The following IGSF21 variants were observed in gnomAD, a reference collection of about 807,000 sequenced individuals.
The protein encoded by IGSF21 is immunoglobin superfamily member 21.
A neutral mutation model predicts 46.8 loss-of-function variants in IGSF21; 28 were observed. The observed-to-expected ratio is 0.60, with a 90% CI of 0.44 to 0.82. The LOEUF (loss-of-function observed/expected upper bound fraction) is 0.82. IGSF21 is among the 40% of genes least tolerant of loss of function. The pLI is 0.00. For missense variants in IGSF21, 624 were observed against 665.5 expected (o/e 0.94, Z 0.69); for synonymous variants, 284 against 273.6 (o/e 1.04, Z -0.38).
chr1:18,200,017 T>TG (rs1230403550), intron 1 of IGSF21, among the ~76,000 whole-genome samples: 8 of 152,062 alleles, frequency 5.3e-5, no homozygotes, highest in African/African-American at 1.9e-4. Flanking sequence ...CCCAAGCCCC[T>TG]GCTCCTTCCC....
At chr1:18,262,619 G>A (rs2084956498) in intron 2 of IGSF21, among the ~76,000 whole-genome samples, 2 of 152,198 alleles carry the variant, frequency 1.3e-5, no homozygotes, top group South Asian at 2.1e-4. Flanking sequence ...TTCCAGAAGC[G>A]GGATGAGAGA....
At chr1:18,206,957 C>T (rs1005358681) in intron 1 of IGSF21, among the ~76,000 whole-genome samples, 10 of 152,208 alleles carry the variant, frequency 6.6e-5, no homozygotes, top group Admixed American at 6.5e-4. Flanking sequence ...GCTTAGAAGT[C>T]TGAGTAGGCT....
intron 3 of IGSF21, among the ~76,000 whole-genome samples, chr1:18,315,576 G>GATGGATGT: frequency 6.6e-6 from 1 of 152,112 alleles, no homozygotes; most frequent in South Asian, 2.1e-4. Context: ...TGGATGGATG[G>GATGGATGT]GTGGATGGGT....
chr1:18,244,957 C>T (rs1190687596), intron 2 of IGSF21, among the ~76,000 whole-genome samples: 1 of 152,124 alleles, frequency 6.6e-6, no homozygotes, highest in East Asian at 1.9e-4. Context: ...GTTACTTAAC[C>T]TCTCTGTGCT....
intron 3 of IGSF21, among the ~76,000 whole-genome samples, chr1:18,301,159 G>A (rs1022632243): frequency 6.6e-6 from 1 of 152,182 alleles, no homozygotes; most frequent in Non-Finnish European, 1.5e-5. Context: ...ATGGAAGAAC[G>A]AGAGGAATGG....
At chr1:18,112,539 G>A (rs2086153197) in intron 1 of IGSF21, 2 of 152,230 alleles carry the variant, frequency 1.3e-5, no homozygotes, top group Non-Finnish European at 2.9e-5. Flanking sequence ...GCTCAGAGAG[G>A]CTAGGTGACT....
chr1:18,272,204 T>A (rs890324246), intron 2 of IGSF21, among the ~76,000 whole-genome samples: 14 of 151,682 alleles, frequency 9.2e-5, no homozygotes, highest in African/African-American at 2.7e-4. Context: ...TGAGACTTAT[T>A]CACTAACACT....
intron 1 of IGSF21, among the ~76,000 whole-genome samples, chr1:18,160,168 C>G (rs975251417): frequency 6.6e-6 from 1 of 152,204 alleles, no homozygotes; most frequent in African/African-American, 2.4e-5. Context: ...AAAACAGTCA[C>G]TTCTCACCGA....
chr1:18,206,857 A>G lies in IGSF21; in HGVS notation c.71-21041A>G, dbSNP rs1326569628. ...AGGACTGCTGCTATCTCAGATAAAC[A>G]TGATGTATTGGTCTGCTATTGCTGT... On this transcript the variant is annotated intron_variant, in intron 1 of 9. Transcript: ENST00000251296. Among the ~76,000 whole-genome samples, 4 of 152,206 alleles carry G rather than the reference A, an allele frequency of 2.6e-5. No homozygotes were observed. The South Asian group carries it at 8.3e-4, about 31-fold the overall frequency.
intron 1 of IGSF21, among the ~76,000 whole-genome samples, chr1:18,168,212 A>G (rs890923007): frequency 4.6e-5 from 7 of 152,076 alleles, no homozygotes; most frequent in East Asian, 1.9e-4. Context: ...ACCAAGGAAG[A>G]GCATCTGGCC....
intron 1 of IGSF21, among the ~76,000 whole-genome samples, chr1:18,191,781 C>A (rs2086959056): frequency 1.3e-5 from 2 of 152,164 alleles, no homozygotes; most frequent in Admixed American, 1.3e-4. Flanking sequence ...CCGGTCCCTG[C>A]CCCCTGCGTT....
At chr1:18,373,946 C>A (rs142873975) in intron 6 of IGSF21, among the ~76,000 whole-genome samples, 1 of 152,308 alleles carries the variant, frequency 6.6e-6, no homozygotes, top group African/African-American at 2.4e-5. Flanking sequence ...AACCAGCAGG[C>A]CCAGGCCCGG....
intron 1 of IGSF21, among the ~76,000 whole-genome samples, chr1:18,160,703 A>G (rs983393501): frequency 6.6e-6 from 1 of 152,176 alleles, no homozygotes; most frequent in African/African-American, 2.4e-5. Context: ...GATGGGGGGA[A>G]CTAAACCAGC....
intron 2 of IGSF21, among the ~76,000 whole-genome samples, chr1:18,257,053 GA>G (rs2084899801): frequency 6.6e-6 from 1 of 152,164 alleles, no homozygotes; most frequent in South Asian, 2.1e-4. Flanking sequence ...CTTGAAAGCT[GA>G]TTTTCTATTT....
chr1:18,196,976 G>A (rs895923961), intron 1 of IGSF21, among the ~76,000 whole-genome samples: 53 of 152,162 alleles, frequency 3.5e-4, no homozygotes, highest in Non-Finnish European at 1.3e-4. Context: ...CCGGCTTCCC[G>A]GTACCAAGTA....
At position 18,108,046 on chromosome 1, in the gene IGSF21, C is replaced by A; in HGVS notation, c.-83C>A. ...CTCGGCCAGTGGCCGGAGGCAGGAG[C>A]GCGTCTGAGCCCATGGCGAGGGGAC... On this transcript the variant is annotated 5_prime_UTR_variant, in exon 1 of 10. Coordinates refer to ENST00000251296, the MANE Select transcript of IGSF21 (RefSeq NM_032880.5). 1 of 527,814 alleles carries A rather than the reference C, an allele frequency of 1.9e-6. No homozygotes were observed. The highest frequency in any genetic ancestry group is 2.8e-6 in the Non-Finnish European group (1 of 352,924). The allele number at this position is 527,814 out of a possible 1,614,324, so 32.7% of individuals were successfully genotyped here.
intron 2 of IGSF21, among the ~76,000 whole-genome samples, chr1:18,249,505 G>C (rs2084816473): frequency 6.6e-6 from 1 of 152,258 alleles, no homozygotes; most frequent in African/African-American, 2.4e-5. Flanking sequence ...AGGGGCAGCT[G>C]TACGTGCAAA....
At chr1:18,297,574 A>G (rs2085323133) in intron 3 of IGSF21, among the ~76,000 whole-genome samples, 1 of 152,110 alleles carries the variant, frequency 6.6e-6, no homozygotes, top group East Asian at 1.9e-4. Context: ...GGAATAAGGT[A>G]CAACTGTCCC....
chr1:18,167,388 G>C (rs1178738728), intron 1 of IGSF21, among the ~76,000 whole-genome samples: 5 of 152,102 alleles, frequency 3.3e-5, no homozygotes. Context: ...GACTTGAAAA[G>C]GTGAAATTGT....
Sources: gnomAD v4.1 joint callset for allele counts (sites outside exome capture counted in the v4.1 genomes callset) on GRCh38, gnomAD v4.1.1 for gene constraint, MANE v1.5 for transcripts, NCBI Gene and HGNC (gene_info 2026-07-23, HGNC 2026-07-21) for gene names.